NRG3: variants seen among roughly 807,000 people sequenced by gnomAD.
The protein encoded by NRG3 is neuregulin 3.
A neutral mutation model predicts 66.9 loss-of-function variants in NRG3; 31 were observed. The observed-to-expected ratio is 0.46, with a 90% CI of 0.35 to 0.63. NRG3 has a LOEUF of 0.63. Ranked by LOEUF, NRG3 falls within the 20% of genes least tolerant of loss-of-function variation. The pLI is 0.00. For missense variants in NRG3, 910 were observed against 878.9 expected, an observed-to-expected ratio of 1.04 and a Z score of -0.45; for synonymous variants, 393 against 359.4, an observed-to-expected ratio of 1.09 and a Z score of -1.06.
At chr10:82,098,088 T>C (rs915424559) in intron 1 of NRG3, among the ~76,000 whole-genome samples, 5 of 139,624 alleles carry the variant, frequency 3.6e-5, no homozygotes, top group Non-Finnish European at 6.2e-5. Context: ...CACACACACA[T>C]CATATATATG....
chr10:82,056,892 G>GT (rs1217186655), intron 1 of NRG3, among the ~76,000 whole-genome samples: 1 of 151,934 alleles, frequency 6.6e-6, no homozygotes, highest in South Asian at 2.1e-4. Flanking sequence ...TCCCACAGCT[G>GT]TTTTTTAAAA....
At chr10:82,457,733 C>T (rs1000578200) in intron 2 of NRG3, among the ~76,000 whole-genome samples, 3 of 152,152 alleles carry the variant, frequency 2.0e-5, no homozygotes, top group South Asian at 2.1e-4. Flanking sequence ...CACAGAAGAT[C>T]CCCTGACCAG....
intron 2 of NRG3, among the ~76,000 whole-genome samples, chr10:82,678,287 G>T (rs1352670006): frequency 1.3e-5 from 2 of 152,146 alleles, no homozygotes; most frequent in Non-Finnish European, 2.9e-5. Flanking sequence ...GAAAAAGAGA[G>T]TCAGCGAAGG....
intron 2 of NRG3, among the ~76,000 whole-genome samples, chr10:82,541,855 A>G (rs1330434781): frequency 1.3e-5 from 2 of 152,174 alleles, no homozygotes; most frequent in African/African-American, 2.4e-5. Flanking sequence ...TTTGTGTTCT[A>G]AATACCTGGT....
rs1306053530 is a variant in NRG3 at position 82,986,789 on chromosome 10, A to C, written c.*1184A>C. The C allele has an allele frequency of 2.0e-5, 3 of 152,188 alleles. No homozygotes were observed. The highest frequency in any genetic ancestry group is 4.4e-5 in the Non-Finnish European group (3 of 68,036). The allele number at this position is 152,188 out of a possible 1,614,324, so 9.4% of individuals were successfully genotyped here. A position where few individuals can be genotyped will look rare whatever the true frequency, so the allele number is the denominator to read the frequency against. ...AATTATTAATACAAGACAATTAACA[A>C]ATTGACAGTTACCATTTGCTTTCTC... On this transcript the variant is annotated 3_prime_UTR_variant, in exon 9 of 9. Transcript: ENST00000372141.
At chr10:82,018,526 A>G (rs2132714337) in intron 1 of NRG3, among the ~76,000 whole-genome samples, 1 of 152,332 alleles carries the variant, frequency 6.6e-6, no homozygotes, top group South Asian at 2.1e-4. Flanking sequence ...TACCTTGGGC[A>G]GCATGGCCAT....
intron 1 of NRG3, among the ~76,000 whole-genome samples, chr10:82,053,213 T>C (rs1196862179): frequency 1.3e-5 from 2 of 152,076 alleles, no homozygotes; most frequent in Non-Finnish European, 2.9e-5. Context: ...TACTGGTGGT[T>C]GTAATAAATA....
chr10:82,869,567 A>AT (rs1554831135), intron 4 of NRG3, among the ~76,000 whole-genome samples: 1 of 113,118 alleles, frequency 8.8e-6, no homozygotes, highest in East Asian at 2.5e-4. Context: ...GGTCTTTTTT[A>AT]TTTATTTTAT....
intron 4 of NRG3, among the ~76,000 whole-genome samples, chr10:82,950,209 G>C (rs1379788572): frequency 6.6e-6 from 1 of 152,168 alleles, no homozygotes; most frequent in Non-Finnish European, 1.5e-5. Context: ...ATGACACAGA[G>C]AGAGAATGTA....
At chr10:82,927,730 A>T (rs1377727483) in intron 4 of NRG3, among the ~76,000 whole-genome samples, 1 of 152,138 alleles carries the variant, frequency 6.6e-6, no homozygotes, top group African/African-American at 2.4e-5. Context: ...CATTTTCTTT[A>T]TGCAGTCTAT....
rs553871697 is a variant in NRG3, at chr10:82,959,094, C to T, written c.1284+19C>T. The T allele has an allele frequency of 1.8e-4, 285 of 1,576,832 alleles. 4 individuals carry two copies. The South Asian group carries it at 3.2e-3, about 18-fold the overall frequency. On this transcript the variant is annotated intron_variant, in intron 6 of 8. Transcript: ENST00000372141. Reference sequence around the variant, plus strand: ...GCAAAATGTAAGTGACATGTCTACACACCTCCTCCTATAGCCTACCTCAGT... The same window carrying T: ...GCAAAATGTAAGTGACATGTCTACATACCTCCTCCTATAGCCTACCTCAGT...
chr10:82,447,241 A>G (rs542060894), intron 2 of NRG3, among the ~76,000 whole-genome samples: 1 of 152,264 alleles, frequency 6.6e-6, no homozygotes, highest in South Asian at 2.1e-4. Flanking sequence ...CTTTCTGAGA[A>G]TGTTCTTCTA....
At chr10:82,708,790 T>A (rs910125644) in intron 2 of NRG3, among the ~76,000 whole-genome samples, 1 of 152,178 alleles carries the variant, frequency 6.6e-6, no homozygotes, top group East Asian at 1.9e-4. Context: ...TACTAGAGTT[T>A]TATTGACTTT....
At chr10:82,705,285 TG>T (rs1232615614) in intron 2 of NRG3, among the ~76,000 whole-genome samples, 3 of 152,190 alleles carry the variant, frequency 2.0e-5, no homozygotes, top group African/African-American at 7.2e-5. Flanking sequence ...TTAGAAGGTC[TG>T]GGGTGGTGGC....
At chr10:81,934,065 G>A (rs941118195) in intron 1 of NRG3, among the ~76,000 whole-genome samples, 6 of 152,108 alleles carry the variant, frequency 3.9e-5, no homozygotes, top group Non-Finnish European at 7.4e-5. Context: ...TTTCAAGTCC[G>A]TATCTCCAAT....
chr10:82,884,744 ACTCT>A (rs1564601323), intron 4 of NRG3, among the ~76,000 whole-genome samples: 26 of 152,192 alleles, frequency 1.7e-4, no homozygotes, highest in African/African-American at 6.0e-4. Flanking sequence ...AATGGTTCTT[ACTCT>A]TCATACTGCA....
intron 4 of NRG3, among the ~76,000 whole-genome samples, chr10:82,914,186 C>G (rs1025125806): frequency 2.6e-5 from 4 of 152,036 alleles, no homozygotes; most frequent in Admixed American, 6.5e-5. Context: ...CATTACCCAT[C>G]TGTTATTGCA....
intron 4 of NRG3, among the ~76,000 whole-genome samples, chr10:82,939,990 C>G (rs1222509494): frequency 2.0e-5 from 3 of 151,850 alleles, no homozygotes; most frequent in Non-Finnish European, 4.4e-5. Context: ...CCCTAGTGCA[C>G]AGCCAGCATT....
intron 1 of NRG3, among the ~76,000 whole-genome samples, chr10:82,244,528 A>C (rs2077147564): frequency 6.6e-6 from 1 of 152,098 alleles, no homozygotes; most frequent in Admixed American, 6.5e-5. Context: ...AATCTAAATT[A>C]TTTTGTTGAA....
Sources: allele counts gnomAD v4.1 joint callset (sites outside exome capture counted in the v4.1 genomes callset), GRCh38; gene constraint gnomAD v4.1.1; transcripts MANE v1.5; gene names NCBI Gene and HGNC (gene_info 2026-07-23, HGNC 2026-07-21).